MAP3K15: variants seen among roughly 807,000 people sequenced by gnomAD.
MAP3K15 encodes mitogen-activated protein kinase kinase kinase 15, also known as MAPK/ERK kinase kinase 15.
A neutral mutation model predicts 99.5 loss-of-function variants in MAP3K15; 124 were observed. That is an observed-to-expected ratio of 1.25 (90% CI 1.08 to 1.45). MAP3K15 has a LOEUF of 1.45. Among genes scored for constraint, MAP3K15 ranks in the 40% most tolerant of loss-of-function variants. The probability of loss-of-function intolerance (pLI) is 0.00; values close to 1 mark genes in which losing one functional copy is unlikely to be tolerated. For synonymous variants in MAP3K15, 494 were observed against 439.6 expected (o/e 1.12, Z -1.55); for missense variants, 1,242 against 1,079.7 (o/e 1.15, Z -2.11).
chrX:19,370,070 T>A (rs144114542), intron 24 of MAP3K15, among the ~76,000 whole-genome samples: 2 of 111,513 alleles, frequency 1.8e-5, no homozygotes, highest in Non-Finnish European at 3.8e-5. Context: ...CACAGTGCAT[T>A]CGGGAGGGTG....
chrX:19,503,022 C>A (rs999906700), intron 1 of MAP3K15, among the ~76,000 whole-genome samples: 2 of 111,231 alleles, frequency 1.8e-5, no homozygotes, highest in Non-Finnish European at 1.9e-5. Context: ...CTGGATGAGA[C>A]AAGATGGTGC....
intron 6 of MAP3K15, among the ~76,000 whole-genome samples, chrX:19,448,657 T>A (rs2064018820): frequency 9.2e-6 from 1 of 109,172 alleles, no homozygotes; most frequent in Admixed American, 9.7e-5. Flanking sequence ...TATGGAAAAA[T>A]TTTATTTTAA....
At chrX:19,482,870 A>G (rs1272943508) in intron 3 of MAP3K15, among the ~76,000 whole-genome samples, 1 of 111,783 alleles carries the variant, frequency 8.9e-6, no homozygotes, top group Non-Finnish European at 1.9e-5. Context: ...CAAAGAGCAA[A>G]GAAACCCAGA....
intron 3 of MAP3K15, among the ~76,000 whole-genome samples, chrX:19,475,376 C>G (rs1357637180): frequency 9.0e-6 from 1 of 111,298 alleles, no homozygotes; most frequent in Non-Finnish European, 1.9e-5. Context: ...TTTCCTCGCT[C>G]GCTGCTCACC....
intron 9 of MAP3K15, among the ~76,000 whole-genome samples, chrX:19,422,945 A>G (rs1404947689): frequency 1.9e-5 from 2 of 105,716 alleles, no homozygotes; most frequent in Non-Finnish European, 3.9e-5. Flanking sequence ...ACCAAACACC[A>G]CATGTTCTCA....
chrX:19,489,289 T>C (rs1016658629), intron 1 of MAP3K15, among the ~76,000 whole-genome samples: 2 of 111,429 alleles, frequency 1.8e-5, no homozygotes, highest in African/African-American at 6.5e-5. Flanking sequence ...GCATAAAGTA[T>C]AATGCAACGA....
intron 16 of MAP3K15, among the ~76,000 whole-genome samples, chrX:19,394,834 TTAA>T (rs2063556481): frequency 1.9e-5 from 1 of 51,813 alleles, no homozygotes; most frequent in African/African-American, 9.7e-5. Context: ...TTTTTTTTTT[TTAA>T]AAAGAGTGAT....
chrX:19,514,229 G>A (rs756029171), intron 1 of MAP3K15, among the ~76,000 whole-genome samples: 1 of 109,058 alleles, frequency 9.2e-6, no homozygotes, highest in Admixed American at 9.8e-5. Flanking sequence ...GGTCCGATCT[G>A]GGCACCCAGA....
intron 3 of MAP3K15, among the ~76,000 whole-genome samples, chrX:19,485,663 C>G (rs1266302024): frequency 9.0e-6 from 1 of 110,981 alleles, no homozygotes; most frequent in Non-Finnish European, 1.9e-5. Context: ...GCCCTTTTCT[C>G]CCTCTCCTAG....
intron 6 of MAP3K15, among the ~76,000 whole-genome samples, chrX:19,438,046 A>G (rs1461243541): frequency 8.9e-6 from 1 of 112,128 alleles, no homozygotes; most frequent in Non-Finnish European, 1.9e-5. Flanking sequence ...TTAGAGGGAT[A>G]ACTGCTTTAA....
At chrX:19,437,327 C>G (rs1222762918) in intron 6 of MAP3K15, among the ~76,000 whole-genome samples, 1 of 111,687 alleles carries the variant, frequency 9.0e-6, no homozygotes, top group Non-Finnish European at 1.9e-5. Context: ...TCACCAGTGG[C>G]TCCCATCTTA....
At chrX:19,446,044 A>G (rs1424290507) in intron 6 of MAP3K15, among the ~76,000 whole-genome samples, 1 of 112,239 alleles carries the variant, frequency 8.9e-6, no homozygotes, top group African/African-American at 3.2e-5. Context: ...TAGTGGGCAA[A>G]TAATTTGAGG....
chrX:19,415,047 T>C (rs998002899), intron 10 of MAP3K15, 60 bp downstream of exon 10: 2 of 1,004,495 alleles, frequency 2.0e-6, no homozygotes, highest in South Asian at 2.5e-5. Flanking sequence ...AATAGTTAAA[T>C]AGCACCAATC....
chrX:19,362,962 G>A (rs759615183), intron 25 of MAP3K15, 112 bp from the exon 26 acceptor site: 267 of 451,019 alleles, frequency 5.9e-4, no homozygotes, highest in Non-Finnish European at 8.1e-4. Flanking sequence ...AATGGAAAAT[G>A]GGACAAGTCT....
intron 10 of MAP3K15, among the ~76,000 whole-genome samples, chrX:19,414,880 G>C (rs998494502): frequency 2.7e-5 from 3 of 111,634 alleles, no homozygotes; most frequent in African/African-American, 9.7e-5. Flanking sequence ...ATGTACCTTA[G>C]GGGGACAAAG....
chrX:19,417,514 G>T (rs760539104), intron 9 of MAP3K15, among the ~76,000 whole-genome samples: 1 of 111,789 alleles, frequency 8.9e-6, no homozygotes, highest in African/African-American at 3.2e-5. Flanking sequence ...CACCACTGCC[G>T]AGGCTTGAGT....
intron 2 of MAP3K15, 30 bp from the exon 3 acceptor site, chrX:19,486,535 C>G (rs1394898563): frequency 3.7e-6 from 3 of 807,218 alleles, no homozygotes; most frequent in African/African-American, 4.2e-5. Flanking sequence ...ATGAATATAG[C>G]TTTTTGTAAA....
At chrX:19,448,111 G>A (rs1002202569) in intron 6 of MAP3K15, among the ~76,000 whole-genome samples, 4 of 107,178 alleles carry the variant, frequency 3.7e-5, no homozygotes, top group Non-Finnish European at 5.9e-5. Flanking sequence ...GGCAGCGGGC[G>A]AGAAGGCAGC....
Position 19,486,492 on chromosome X carries a change from TG to T in MAP3K15, c.514del (p.Gln172LysfsTer17). On this transcript the variant is annotated frameshift_variant, in exon 3 of 29. Transcript: ENST00000338883. LOFTEE classifies it high-confidence loss of function. ...AATGTTAATACTTACTGTGTTTTTT[TG>T]AGTTACCATGTCCTGAAAAGAAAAA... ...TALSLKDMVT[Q>X]KNTASSGNYY... 1.1e-6 allele frequency: 1 copy of T among 874,420 alleles called. No individual in the cohort carries two copies. 72.1% of individuals were successfully genotyped at this position (874,420 alleles called of 1,213,427 possible). A position where few individuals can be genotyped will look rare whatever the true frequency, so the allele number is the denominator to read the frequency against.
Sources: allele counts gnomAD v4.1 joint callset (sites outside exome capture counted in the v4.1 genomes callset), GRCh38; gene constraint gnomAD v4.1.1; transcripts MANE v1.5; gene names NCBI Gene and HGNC (gene_info 2026-07-23, HGNC 2026-07-21).